STAM: variants seen among roughly 807,000 people sequenced by gnomAD.
STAM encodes the protein signal transducing adapter molecule 1.
Under a neutral mutation model 63.4 loss-of-function variants are expected in STAM, and 16 were observed. The observed-to-expected ratio is 0.25, with a 90% CI of 0.17 to 0.38. The LOEUF is 0.38. STAM is among the 10% of genes least tolerant of loss of function. The probability of loss-of-function intolerance (pLI) is 1.00; values close to 1 mark genes in which losing one functional copy is unlikely to be tolerated. For missense variants in STAM, 636 were observed against 657.1 expected, an observed-to-expected ratio of 0.97 and a Z score of 0.35; for synonymous variants, 238 against 223.9, an observed-to-expected ratio of 1.06 and a Z score of -0.56.
chr10:17,672,932 G>T, intron 2 of STAM: 1 of 618,038 alleles, frequency 1.6e-6, no homozygotes. Context: ...CCTGTTCTTT[G>T]TCCCTGCCCC....
At chr10:17,699,632 C>T (rs536805453) in intron 8 of STAM, among the ~76,000 whole-genome samples, 1 of 152,100 alleles carries the variant, frequency 6.6e-6, no homozygotes, top group Non-Finnish European at 1.5e-5. Flanking sequence ...AGACTGAGAC[C>T]CCTGTCAAGG....
intron 1 of STAM, among the ~76,000 whole-genome samples, chr10:17,658,717 G>A (rs1433326947): frequency 7.9e-5 from 12 of 152,120 alleles, no homozygotes; most frequent in Admixed American, 3.9e-4. Flanking sequence ...GAACTCCTGG[G>A]CTCAAATGAT....
chr10:17,711,510 TATAA>T (rs1836552301), intron 13 of STAM, among the ~76,000 whole-genome samples: 1 of 152,200 alleles, frequency 6.6e-6, no homozygotes, highest in Admixed American at 6.5e-5. Flanking sequence ...CAACATGATT[TATAA>T]ATAAAGAAGA....
chr10:17,644,725 C>T (rs1554820597), intron 1 of STAM, among the ~76,000 whole-genome samples: 1 of 152,162 alleles, frequency 6.6e-6, no homozygotes, highest in South Asian at 2.1e-4. Context: ...CGTATGTTGG[C>T]TAGATTAGGA....
chr10:17,692,154 T>A lies in STAM; in HGVS notation c.445-1068T>A, dbSNP rs150359831. On this transcript the variant is annotated intron_variant, in intron 5 of 13. Transcript: ENST00000377524. ...GAATTTGAGGCACCAAGAGGCTAAT[T>A]TGCCCAGTGTCATCCAGCTAGAAAG... Among the ~76,000 whole-genome samples the A allele has an allele frequency of 5.4e-3, 816 of 152,318 alleles. 4 individuals are homozygous for A. The highest frequency in any genetic ancestry group is 0.019 in the African/African-American group (773 of 41,568).
At chr10:17,665,274 T>C (rs1393664572) in intron 2 of STAM, among the ~76,000 whole-genome samples, 3 of 152,266 alleles carry the variant, frequency 2.0e-5, no homozygotes, top group Admixed American at 6.5e-5. Context: ...TTTATGTTTG[T>C]TGATTATATA....
At chr10:17,713,375 G>T (rs1254950635) in intron 13 of STAM, among the ~76,000 whole-genome samples, 1 of 152,104 alleles carries the variant, frequency 6.6e-6, no homozygotes, top group African/African-American at 2.4e-5. Flanking sequence ...AGGACAGCAG[G>T]CTTGAATAGC....
chr10:17,710,199 C>G (rs558612165), intron 13 of STAM, among the ~76,000 whole-genome samples: 1 of 152,204 alleles, frequency 6.6e-6, no homozygotes, highest in Non-Finnish European at 1.5e-5. Flanking sequence ...ACATGCTGCT[C>G]TACCTTCCTT....
chr10:17,647,776 A>AT (rs1234552559), intron 1 of STAM, among the ~76,000 whole-genome samples: 1 of 152,198 alleles, frequency 6.6e-6, no homozygotes, highest in African/African-American at 2.4e-5. Flanking sequence ...ATTAAGTAAG[A>AT]TTTTAAAAAG....
At chr10:17,658,390 G>A (rs577625241) in intron 1 of STAM, among the ~76,000 whole-genome samples, 2 of 152,220 alleles carry the variant, frequency 1.3e-5, no homozygotes, top group East Asian at 1.9e-4. Context: ...GAGAGCTTGG[G>A]AAGAATGTGT....
intron 2 of STAM, among the ~76,000 whole-genome samples, chr10:17,669,662 T>G (rs1229914640): frequency 6.6e-6 from 1 of 151,750 alleles, no homozygotes; most frequent in African/African-American, 2.4e-5. Context: ...GGGGTTTTTC[T>G]TTCACTGATT....
intron 9 of STAM, among the ~76,000 whole-genome samples, chr10:17,701,483 A>T (rs1010632004): frequency 2.6e-5 from 4 of 152,164 alleles, no homozygotes; most frequent in Non-Finnish European, 5.9e-5. Flanking sequence ...AACACAGATA[A>T]ATTTGTTTAT....
At chr10:17,681,240 T>C (rs1835075806) in intron 2 of STAM, among the ~76,000 whole-genome samples, 1 of 149,240 alleles carries the variant, frequency 6.7e-6, no homozygotes, top group East Asian at 2.0e-4. Context: ...TAGGTATAAA[T>C]TACCTTCTCA....
At position 17,716,570 on chromosome 10, in the gene STAM, G is replaced by A. The variant is rs1418214364; in HGVS notation, c.*1790G>A. 6.6e-6 allele frequency among the ~76,000 whole-genome samples: 1 copy of A among 152,072 alleles called. No homozygotes were observed. The highest frequency in any genetic ancestry group is 1.5e-5 in the Non-Finnish European group (1 of 67,996). ...CCAATTTGAGTATTATGGTTTAACT[G>A]ATATACTTTTCTGCAATTTTTCTTT... On this transcript the variant is annotated 3_prime_UTR_variant, in exon 14 of 14. Transcript: ENST00000377524.
chr10:17,713,203 C>G (rs1160005696), intron 13 of STAM, among the ~76,000 whole-genome samples: 3 of 152,148 alleles, frequency 2.0e-5, no homozygotes, highest in Non-Finnish European at 4.4e-5. Context: ...TGCCTCTTGC[C>G]TCTTTATCTT....
chr10:17,711,716 G>A (rs1282891795), intron 13 of STAM, among the ~76,000 whole-genome samples: 2 of 152,186 alleles, frequency 1.3e-5, no homozygotes, highest in African/African-American at 4.8e-5. Context: ...CATTCCAGCA[G>A]CACACTTACC....
At chr10:17,676,252 C>T (rs1025519118) in intron 2 of STAM, among the ~76,000 whole-genome samples, 1 of 152,130 alleles carries the variant, frequency 6.6e-6, no homozygotes, top group African/African-American at 2.4e-5. Flanking sequence ...GTTATGACTT[C>T]ACCTAGAAAC....
chr10:17,713,858 G>A (rs1008768822), intron 13 of STAM, among the ~76,000 whole-genome samples: 1 of 151,984 alleles, frequency 6.6e-6, no homozygotes, highest in Non-Finnish European at 1.5e-5. Flanking sequence ...CACTCAGAGT[G>A]TAAGCTACAG....
At chr10:17,689,133 C>G (rs935823581) in intron 5 of STAM, among the ~76,000 whole-genome samples, 8 of 152,316 alleles carry the variant, frequency 5.3e-5, no homozygotes, top group South Asian at 2.1e-4. Flanking sequence ...AGAAAAAAAT[C>G]AAGAAATGTC....
Sources: allele counts gnomAD v4.1 joint callset (sites outside exome capture counted in the v4.1 genomes callset), GRCh38; gene constraint gnomAD v4.1.1; transcripts MANE v1.5; gene names NCBI Gene and HGNC (gene_info 2026-07-23, HGNC 2026-07-21).